The following KDM4C variants were observed in gnomAD, a reference collection of about 807,000 sequenced individuals.
The protein encoded by KDM4C is lysine demethylase 4C, also known as lysine-specific demethylase 4C.
Under a neutral mutation model 129.3 loss-of-function variants are expected in KDM4C, and 81 were observed. The observed-to-expected ratio is 0.63, with a 90% CI of 0.52 to 0.75. The LOEUF (loss-of-function observed/expected upper bound fraction) is 0.75. KDM4C is among the 30% of genes least tolerant of loss of function. KDM4C has a pLI of 0.00. For missense variants in KDM4C, 1,457 were observed against 1,304.0 expected (o/e 1.12, Z -1.81); for synonymous variants, 573 against 456.1 (o/e 1.26, Z -3.26).
chr9:6,873,469 C>G (rs1314813927), intron 5 of KDM4C, among the ~76,000 whole-genome samples: 3 of 152,196 alleles, frequency 2.0e-5, no homozygotes, highest in African/African-American at 7.2e-5. Context: ...GCTGCAATGT[C>G]TATTAATACA....
chr9:6,760,424 G>T (rs1385309706), intron 1 of KDM4C, among the ~76,000 whole-genome samples: 1 of 144,322 alleles, frequency 6.9e-6, no homozygotes, highest in Non-Finnish European at 1.5e-5. Context: ...TTGTGTGGAC[G>T]CGTGTTTTCT....
At chr9:6,961,266 T>A (rs116166015) in intron 8 of KDM4C, among the ~76,000 whole-genome samples, 188 of 152,294 alleles carry the variant, frequency 1.2e-3, no homozygotes, top group African/African-American at 4.5e-3. Flanking sequence ...TATCCAGTGG[T>A]AATTATGGAG....
intron 15 of KDM4C, among the ~76,000 whole-genome samples, chr9:7,020,343 C>T (rs903889964): frequency 2.6e-5 from 4 of 152,198 alleles, no homozygotes; most frequent in Admixed American, 6.5e-5. Context: ...GATATCATCG[C>T]TTTGAGTCCC....
intron 18 of KDM4C, among the ~76,000 whole-genome samples, chr9:7,121,605 A>G (rs74425758): frequency 1.0e-3 from 156 of 152,294 alleles, no homozygotes; most frequent in Admixed American, 2.0e-3. Flanking sequence ...GAAATTTACC[A>G]CAGTGTACAC....
chr9:7,089,071 A>G (rs1398663871), intron 17 of KDM4C, among the ~76,000 whole-genome samples: 2 of 152,210 alleles, frequency 1.3e-5, no homozygotes, highest in Admixed American at 1.3e-4. Flanking sequence ...AAAAAACAAA[A>G]CAGGAAGGAA....
intron 4 of KDM4C, chr9:6,834,998 G>C: frequency 1.0e-6 from 1 of 961,362 alleles, no homozygotes; most frequent in Admixed American, 1.7e-5. Flanking sequence ...GGACCTGGCT[G>C]GCCGGGACCT....
chr9:7,086,137 G>A (rs925584580), intron 17 of KDM4C, among the ~76,000 whole-genome samples: 4 of 152,152 alleles, frequency 2.6e-5, no homozygotes, highest in East Asian at 3.9e-4. Context: ...CAGCCTGAGC[G>A]ACAGAGCCAG....
Position 7,015,925 on chromosome 9 carries a change from C to G in KDM4C, c.2255C>G (p.Thr752Arg). ...GCCCGGTGCAAAAGAAATGCGTGGA[C>G]AGCAGTAAGTAGCTTATTTTAGTAT... ...LCARCKRNAWTAECCLCNLRG... is the reference protein window; with the variant it reads ...LCARCKRNAWRAECCLCNLRG... Residue 752 changes from threonine to arginine, a missense_variant, in exon 15 of 22, where the codon ACA (threonine) becomes AGA (arginine). By Grantham distance (71) the Thr-to-Arg change is moderately conservative. Transcript: ENST00000381309. 6.2e-7 allele frequency: 1 copy of G among 1,609,470 alleles called. No individual in the cohort carries two copies. Among genetic ancestry groups the G allele is most frequent in the Non-Finnish European group, 8.5e-7 (1 of 1,176,184 alleles).
chr9:6,947,849 A>G (rs1305542255), intron 8 of KDM4C, among the ~76,000 whole-genome samples: 8 of 151,802 alleles, frequency 5.3e-5, no homozygotes, highest in Non-Finnish European at 8.8e-5. Context: ...CCAGCTTGTT[A>G]GGAGATTATA....
Position 7,038,666 on chromosome 9 carries a change from A to C in KDM4C, c.2260-8196A>C, listed in dbSNP as rs12555355. 3.2e-4 allele frequency among the ~76,000 whole-genome samples: 48 copies of C among 152,100 alleles called. 2 individuals carry two copies. Among genetic ancestry groups the C allele is most frequent in the African/African-American group, 1.0e-3 (42 of 41,522 alleles). ...TATATAGTCCTTCTCCATAGATTCA[A>C]ATATTTAGGTTAGATTATAAGAAGT... is the stretch of plus-strand genomic sequence containing the variant. On this transcript the variant is annotated intron_variant, in intron 15 of 21. Transcript: ENST00000381309.
At chr9:6,883,690 G>A (rs1222109487) in intron 6 of KDM4C, among the ~76,000 whole-genome samples, 1 of 152,186 alleles carries the variant, frequency 6.6e-6, no homozygotes, top group Non-Finnish European at 1.5e-5. Flanking sequence ...GGAAATGAAT[G>A]TCAACTAGTA....
chr9:6,865,470 G>A (rs956066961), intron 5 of KDM4C, among the ~76,000 whole-genome samples: 1 of 152,168 alleles, frequency 6.6e-6, no homozygotes, highest in African/African-American at 2.4e-5. Flanking sequence ...GTCCATTTGA[G>A]AAGGTCATGG....
At chr9:6,853,433 C>T (rs549197391) in intron 5 of KDM4C, among the ~76,000 whole-genome samples, 1 of 152,118 alleles carries the variant, frequency 6.6e-6, no homozygotes, top group Non-Finnish European at 1.5e-5. Context: ...GTCAAGGCTG[C>T]AGTGATCCGA....
chr9:6,799,346 C>T (rs370188437), intron 2 of KDM4C, among the ~76,000 whole-genome samples: 4 of 152,224 alleles, frequency 2.6e-5, no homozygotes, highest in Admixed American at 6.5e-5. Context: ...GCGGATCACT[C>T]GCGGTTAGGA....
intron 8 of KDM4C, chr9:6,925,411 TCCCTTTCCCCTTCCTCCTTTCC>T: frequency 2.0e-6 from 2 of 978,630 alleles, no homozygotes; most frequent in South Asian, 4.7e-5. Context: ...TCCTTCCCTT[TCCCTTTCCCCTTCCTCCTTTCC>T]CCTTTTCCTC....
intron 7 of KDM4C, among the ~76,000 whole-genome samples, chr9:6,892,356 T>C (rs1417285279): frequency 6.6e-6 from 1 of 152,162 alleles, no homozygotes; most frequent in East Asian, 1.9e-4. Flanking sequence ...TTTTCTTCAC[T>C]TTTTCTGTAG....
rs143633253 is a variant in KDM4C, at chr9:6,723,331, C to T, written c.49+2334C>T. Among the ~76,000 whole-genome samples, 725 of 152,034 alleles carry T rather than the reference C, an allele frequency of 4.8e-3. 7 individuals are homozygous for T. Among genetic ancestry groups the T allele is most frequent in the African/African-American group, 0.017 (701 of 41,484 alleles). On this transcript the variant is annotated intron_variant, in intron 1 of 17. Coordinates refer to the KDM4C transcript ENST00000536108. ...CGGAGGTTGCAGTGAGACGAGGTCA[C>T]GCCACTGCACTCCAGCCTGCGTGAC...
At chr9:6,972,350 A>G (rs1832142793) in intron 8 of KDM4C, among the ~76,000 whole-genome samples, 1 of 152,120 alleles carries the variant, frequency 6.6e-6, no homozygotes, top group Non-Finnish European at 1.5e-5. Flanking sequence ...CCTAATGGTA[A>G]TGCATTTCCA....
intron 17 of KDM4C, among the ~76,000 whole-genome samples, chr9:7,075,489 T>C (rs1037058424): frequency 6.6e-6 from 1 of 152,158 alleles, no homozygotes; most frequent in Non-Finnish European, 1.5e-5. Context: ...AGTTAGCTCC[T>C]GAGAGAGTTT....
Sources: gnomAD v4.1 joint callset for allele counts (sites outside exome capture counted in the v4.1 genomes callset) on GRCh38, gnomAD v4.1.1 for gene constraint, MANE v1.5 for transcripts, NCBI Gene and HGNC (gene_info 2026-07-23, HGNC 2026-07-21) for gene names.